The following ZC3H18 variants were observed in gnomAD, a reference collection of about 807,000 sequenced individuals.
ZC3H18 encodes the protein zinc finger CCCH-type containing 18, also known as zinc finger CCCH domain-containing protein 18.
A neutral mutation model predicts 106.1 loss-of-function variants in ZC3H18; 8 were observed. The ratio of observed to expected loss-of-function variants is 0.08; its 90% confidence interval spans 0.04 to 0.14. The LOEUF (loss-of-function observed/expected upper bound fraction) is 0.14, where lower values mean the gene tolerates loss of function less well. Among genes scored for constraint, ZC3H18 ranks in the 10% least tolerant of loss-of-function variants. The probability of loss-of-function intolerance (pLI) is 1.00; values close to 1 mark genes in which losing one functional copy is unlikely to be tolerated. For missense variants in ZC3H18, 1,318 were observed against 1,278.4 expected (o/e 1.03, Z -0.47); for synonymous variants, 635 against 522.1 (o/e 1.22, Z -2.95).
At chr16:88,588,002 A>G (rs933694397) in intron 3 of ZC3H18, among the ~76,000 whole-genome samples, 8 of 152,200 alleles carry the variant, frequency 5.3e-5, no homozygotes, top group East Asian at 1.9e-4. Context: ...TCACACGTGC[A>G]TGTGAGGGGC....
chr16:88,631,526 C>G lies in ZC3H18; in HGVS notation c.*227C>G, dbSNP rs1221859354. The G allele has an allele frequency of 3.0e-6, 2 of 660,920 alleles. No individual in the cohort carries two copies. Among genetic ancestry groups the G allele is most frequent in the African/African-American group, 3.6e-5 (2 of 56,274 alleles). 40.9% of individuals were successfully genotyped at this position (660,920 alleles called of 1,614,324 possible). On this transcript the variant is annotated 3_prime_UTR_variant, in exon 18 of 18. Coordinates refer to ENST00000301011, the MANE Select transcript of ZC3H18 (RefSeq NM_144604.4). ...GCAGGACAGACAGACACAGACAGCG[C>G]TAGTGACCAGCACGGTTCTCATGTA...
In ZC3H18 at chr16:88,631,470, T is replaced by C; in HGVS notation, c.*171T>C. On this transcript the variant is annotated 3_prime_UTR_variant, in exon 18 of 18. Coordinates refer to ENST00000301011, the MANE Select transcript of ZC3H18 (RefSeq NM_144604.4). ...CACAGGAAATGACAACGACGCTGAATCCCAGCCTCCCTCCCCAGAGCAGAA... is the reference window on the plus strand; with the variant it reads ...CACAGGAAATGACAACGACGCTGAACCCCAGCCTCCCTCCCCAGAGCAGAA... 1 of 856,892 alleles carries C rather than the reference T, an allele frequency of 1.2e-6. No homozygotes were observed. 53.1% of individuals were successfully genotyped at this position (856,892 alleles called of 1,614,324 possible).
chr16:88,578,040 G>A (rs1019578344), intron 2 of ZC3H18, among the ~76,000 whole-genome samples: 7 of 152,222 alleles, frequency 4.6e-5, no homozygotes, highest in African/African-American at 1.7e-4. Flanking sequence ...TAGGAATGAA[G>A]GGTTAATGTC....
intron 3 of ZC3H18, among the ~76,000 whole-genome samples, chr16:88,595,181 C>T (rs1298700288): frequency 1.3e-5 from 2 of 152,094 alleles, no homozygotes; most frequent in Admixed American, 1.3e-4. Context: ...AAAAGAAAAA[C>T]CAGTTGCTGC....
At chr16:88,591,614 G>C (rs531221395) in intron 3 of ZC3H18, among the ~76,000 whole-genome samples, 2 of 152,256 alleles carry the variant, frequency 1.3e-5, no homozygotes, top group Admixed American at 1.3e-4. Context: ...TTAGTGTGGA[G>C]CAGCTGCATT....
chr16:88,602,024 G>A (rs1389401063), intron 6 of ZC3H18, among the ~76,000 whole-genome samples: 1 of 152,246 alleles, frequency 6.6e-6, no homozygotes, highest in Non-Finnish European at 1.5e-5. Flanking sequence ...AGTAGAGGGA[G>A]CCAGTACAGC....
At chr16:88,592,708 C>T (rs892694752) in intron 3 of ZC3H18, among the ~76,000 whole-genome samples, 1 of 152,178 alleles carries the variant, frequency 6.6e-6, no homozygotes, top group Non-Finnish European at 1.5e-5. Context: ...AACTCCTGAC[C>T]TCAAATGATC....
At chr16:88,596,702 C>T (rs897885560) in intron 3 of ZC3H18, among the ~76,000 whole-genome samples, 5 of 152,128 alleles carry the variant, frequency 3.3e-5, no homozygotes, top group African/African-American at 1.2e-4. Context: ...ATTGTCAGCA[C>T]TTTTCTGTAC....
intron 2 of ZC3H18, among the ~76,000 whole-genome samples, chr16:88,585,636 A>G (rs982191573): frequency 1.3e-5 from 2 of 151,264 alleles, no homozygotes; most frequent in African/African-American, 4.8e-5. Flanking sequence ...GGAAGAGGAG[A>G]GGGAAGAACG....
intron 16 of ZC3H18, 21 bp downstream of exon 16, chr16:88,628,875 G>T: frequency 1.2e-6 from 2 of 1,613,602 alleles, no homozygotes; most frequent in Non-Finnish European, 1.7e-6. Flanking sequence ...CAGCCCCTAG[G>T]GGGCAGGGCA....
At chr16:88,624,790 G>C (rs751390277) in intron 12 of ZC3H18, 45 bp downstream of exon 12, 3 of 1,564,108 alleles carry the variant, frequency 1.9e-6, no homozygotes, top group Non-Finnish European at 2.6e-6. Context: ...CCGTGTTCTT[G>C]GTGCCACTGT....
chr16:88,603,372 G>A (rs2142707661), intron 6 of ZC3H18, among the ~76,000 whole-genome samples: 1 of 151,008 alleles, frequency 6.6e-6, no homozygotes, highest in South Asian at 2.2e-4. Context: ...TGTAATCCCA[G>A]CACTTTGGGA....
intron 1 of ZC3H18, among the ~76,000 whole-genome samples, chr16:88,572,400 C>T (rs948115991): frequency 1.1e-4 from 17 of 148,186 alleles, no homozygotes; most frequent in African/African-American, 2.9e-4. Context: ...TCCTCCTGGG[C>T]ACTTATTTTA....
Position 88,611,387 on chromosome 16 carries a change from C to G in ZC3H18, c.1326C>G (p.Arg442=). ...RERERERERE[R]DKERQRRKEE... Reference sequence around the variant, plus strand: ...GCGAGCGAGAGCGGGAGCGCGAGCGCGACAAGGAGCGGCAGCGGAGGAAGG... The same window carrying G: ...GCGAGCGAGAGCGGGAGCGCGAGCGGGACAAGGAGCGGCAGCGGAGGAAGG... Residue 442 remains arginine (R), a synonymous_variant, in exon 8 of 18, where the codon CGC becomes CGG. Coordinates refer to ENST00000301011, the MANE Select transcript of ZC3H18 (RefSeq NM_144604.4). 8.6e-7 allele frequency: 1 copy of G among 1,166,704 alleles called. No individual in the cohort carries two copies. Among genetic ancestry groups the G allele is most frequent in the South Asian group, 1.3e-5 (1 of 76,394 alleles). The allele number at this position is 1,166,704 out of a possible 1,614,324, so 72.3% of individuals were successfully genotyped here.
chr16:88,602,965 C>A (rs1249485477), intron 6 of ZC3H18, among the ~76,000 whole-genome samples: 1 of 151,698 alleles, frequency 6.6e-6, no homozygotes, highest in Non-Finnish European at 1.5e-5. Flanking sequence ...ATTGTTGTTC[C>A]TTCTTTTTTT....
chr16:88,598,655 C>T lies in ZC3H18; in HGVS notation c.873C>T (p.Pro291=), dbSNP rs1407562455. Residue 291 remains proline, a synonymous_variant, in exon 5 of 18, where the codon CCC becomes CCT. Coordinates refer to ENST00000301011, the MANE Select transcript of ZC3H18 (RefSeq NM_144604.4). ...GPVVDEILPP[P]PPEPPTESAW... is the part of the protein sequence containing the mutation. ...TAGTTGATGAAATTTTGCCTCCACC[C>T]CCTCCAGAGCCCCCAACAGAGAGTG... is the stretch of plus-strand genomic sequence containing the variant. 4 of 1,612,828 alleles carry T rather than the reference C, an allele frequency of 2.5e-6. No individual in the cohort carries two copies. The African/African-American group carries it at 5.3e-5, about 22-fold the overall frequency.
At chr16:88,625,148 G>A (rs543251673) in intron 12 of ZC3H18, 54 bp from the exon 13 acceptor site, 200 of 1,546,008 alleles carry the variant, frequency 1.3e-4, no homozygotes, top group Non-Finnish European at 1.7e-4. Flanking sequence ...AGGGGAGGCC[G>A]CGAGGGGCTG....
chr16:88,570,446 T>A lies in ZC3H18; in HGVS notation c.-135T>A, dbSNP rs1345350432. On this transcript the variant is annotated 5_prime_UTR_variant, in exon 1 of 18. Coordinates refer to ENST00000301011, the MANE Select transcript of ZC3H18 (RefSeq NM_144604.4). ...GCCCCCGCGGGTAGTGGAGCCCGTT[T>A]GTTCCGCCCGTGTCGAGCCTGGAGC... 1 of 151,574 alleles carries A rather than the reference T, an allele frequency of 6.6e-6. No individual in the cohort carries two copies. Among genetic ancestry groups the A allele is most frequent in the Non-Finnish European group, 1.5e-5 (1 of 67,868 alleles). The allele number at this position is 151,574 out of a possible 1,614,324, so 9.4% of individuals were successfully genotyped here.
At position 88,628,798 on chromosome 16, in the gene ZC3H18, A is replaced by T; in HGVS notation, c.2510A>T (p.Asp837Val). 6.2e-7 allele frequency: 1 copy of T among 1,614,134 alleles called. No individual in the cohort carries two copies. Among genetic ancestry groups the T allele is most frequent in the East Asian group, 2.2e-5 (1 of 44,882 alleles). The change falls in exon 16 of 18, where the codon GAC becomes GTC. Residue 837 changes from aspartate (D) to valine (V), a missense_variant. By Grantham distance (152) the Asp-to-Val change is radical. Around this residue, in one of 6 missense-constraint regions of ZC3H18, gnomAD observed 848 missense variants for 821.7 expected, o/e 1.03. Coordinates refer to ENST00000301011, the MANE Select transcript of ZC3H18 (RefSeq NM_144604.4). ...KGSRKRYEPS[D>V]KDRQSPPPAK... ...AGCAGGAAGCGCTATGAACCATCAG[A>T]CAAGGACAGGCAGAGCCCTCCTCCA...
Sources: gnomAD v4.1 joint callset for allele counts (sites outside exome capture counted in the v4.1 genomes callset) on GRCh38, gnomAD v4.1.1 for gene constraint, gnomAD v4.1.1 regional missense constraint, MANE v1.5 for transcripts, NCBI Gene and HGNC (gene_info 2026-07-23, HGNC 2026-07-21) for gene names.